The following RTN4 variants were observed in gnomAD, a reference collection of about 807,000 sequenced individuals.
RTN4 encodes reticulon 4.
In RTN4, 32 loss-of-function variants were observed where a neutral mutation model predicts 90.4. That is an observed-to-expected ratio of 0.35 (90% CI 0.27 to 0.48). The LOEUF (loss-of-function observed/expected upper bound fraction) is 0.48. RTN4 is among the 20% of genes least tolerant of loss of function. The probability of loss-of-function intolerance (pLI) is 0.99; values close to 1 mark genes in which losing one functional copy is unlikely to be tolerated. For synonymous variants in RTN4, 629 were observed against 552.5 expected (o/e 1.14, Z -1.94); for missense variants, 1,706 against 1,430.2 (o/e 1.19, Z -3.11).
chr2:55,055,640 G>A (rs1044439172), upstream of RTN4, among the ~76,000 whole-genome samples: 4 of 151,894 alleles, frequency 2.6e-5, no homozygotes, highest in African/African-American at 9.7e-5. Context: ...CGTGGTGGCG[G>A]GCGCCTGTAG....
At chr2:54,977,730 T>C (rs778455563) in intron 5 of RTN4, among the ~76,000 whole-genome samples, 1 of 152,210 alleles carries the variant, frequency 6.6e-6, no homozygotes, top group Non-Finnish European at 1.5e-5. Context: ...CAGTGATTTT[T>C]GCCATACTAT....
chr2:55,045,001 TC>T (rs1194496341), intron 1 of RTN4, among the ~76,000 whole-genome samples: 5 of 152,260 alleles, frequency 3.3e-5, no homozygotes, highest in African/African-American at 1.2e-4. Flanking sequence ...AGCATCCACT[TC>T]CTGGGAACTT....
chr2:55,091,334 C>G (rs573451035), intron 1 of RTN4, among the ~76,000 whole-genome samples: 1 of 152,166 alleles, frequency 6.6e-6, no homozygotes, highest in Non-Finnish European at 1.5e-5. Context: ...CCTTTCTTCC[C>G]ACATACACAT....
the RTN4 span, among the ~76,000 whole-genome samples, chr2:55,119,082 GAAAT>G: frequency 6.6e-6 from 1 of 152,344 alleles, no homozygotes; most frequent in African/African-American, 2.4e-5. Flanking sequence ...GCCTGGAAAA[GAAAT>G]ACAAGGGAAG....
chr2:55,105,545 T>C (rs1161047862), intron 1 of RTN4, among the ~76,000 whole-genome samples: 1 of 152,090 alleles, frequency 6.6e-6, no homozygotes, highest in Non-Finnish European at 1.5e-5. Flanking sequence ...GTTTTTCTAA[T>C]TTATTTTACG....
intron 3 of RTN4, 93 bp downstream of exon 3, chr2:55,024,993 C>G: frequency 2.1e-6 from 3 of 1,421,412 alleles, no homozygotes; most frequent in Non-Finnish European, 1.9e-6. Context: ...ATATGAGACA[C>G]TATAAACATA....
At chr2:55,065,199 C>A (rs903520215) in intron 2 of RTN4, among the ~76,000 whole-genome samples, 1 of 152,212 alleles carries the variant, frequency 6.6e-6, no homozygotes, top group Non-Finnish European at 1.5e-5. Context: ...CAATATCCAG[C>A]TTACATAAAT....
intron 1 of RTN4, among the ~76,000 whole-genome samples, chr2:55,085,577 T>A (rs1361685464): frequency 6.6e-6 from 1 of 152,196 alleles, no homozygotes; most frequent in Non-Finnish European, 1.5e-5. Flanking sequence ...AGCTGACAAT[T>A]TAGATGCTAA....
chr2:54,986,331 A>G (rs1390545684), intron 4 of RTN4, among the ~76,000 whole-genome samples: 1 of 152,232 alleles, frequency 6.6e-6, no homozygotes, highest in African/African-American at 2.4e-5. Context: ...GGGTCAGCAA[A>G]CTTTCTGTAA....
At chr2:55,015,667 G>A (rs1161371025) in intron 3 of RTN4, among the ~76,000 whole-genome samples, 1 of 152,036 alleles carries the variant, frequency 6.6e-6, no homozygotes. Context: ...CTATCAAACT[G>A]GTAAAGGGCT....
chr2:55,005,886 G>A (rs1680184319), intron 3 of RTN4, among the ~76,000 whole-genome samples: 1 of 152,094 alleles, frequency 6.6e-6, no homozygotes, highest in African/African-American at 2.4e-5. Context: ...GTATTTATGT[G>A]TGGAATTTTC....
chr2:55,051,800 G>A (rs1327117483), upstream of RTN4, among the ~76,000 whole-genome samples: 2 of 152,168 alleles, frequency 1.3e-5, no homozygotes, highest in South Asian at 2.1e-4. Context: ...CCTGTTGACT[G>A]AATGTTGAAA....
At chr2:55,040,302 A>C (rs1357859113) in intron 1 of RTN4, among the ~76,000 whole-genome samples, 2 of 152,222 alleles carry the variant, frequency 1.3e-5, no homozygotes, top group Non-Finnish European at 2.9e-5. Flanking sequence ...TGATGAATTG[A>C]GACTGAAGTT....
At chr2:55,006,222 A>C (rs1305751936) in intron 3 of RTN4, among the ~76,000 whole-genome samples, 1 of 152,266 alleles carries the variant, frequency 6.6e-6, no homozygotes, top group East Asian at 1.9e-4. Context: ...TCTATAACAC[A>C]TACCTATGTA....
chr2:55,025,579 A>G lies in RTN4; in HGVS notation c.2520T>C (p.Tyr840=). ...LQMEELSTAV[Y]SNDDLFISKE... ...TAGAAATAAATAAGTCATCATTTGA[A>G]TAAACTGCAGTACTGAGCTCCTCCA... is the stretch of plus-strand genomic sequence containing the variant. Residue 840 remains tyrosine (Y), a synonymous_variant, in exon 3 of 9, where the codon TAT becomes TAC. Coordinates refer to ENST00000337526, the MANE Select transcript of RTN4 (RefSeq NM_020532.5). The G allele has an allele frequency of 6.2e-7, 1 of 1,613,710 alleles. No homozygotes were observed. The highest frequency in any genetic ancestry group is 1.1e-5 in the South Asian group (1 of 91,060).
intron 3 of RTN4, among the ~76,000 whole-genome samples, chr2:55,022,896 AACACACACAC>A (rs150779063): frequency 1.0e-4 from 14 of 137,390 alleles, no homozygotes; most frequent in African/African-American, 2.9e-4. Flanking sequence ...TTCAACATCC[AACACACACAC>A]ACACACACAC....
chr2:55,069,155 C>CT (rs1389563540), intron 2 of RTN4, among the ~76,000 whole-genome samples: 2 of 152,320 alleles, frequency 1.3e-5, no homozygotes, highest in Admixed American at 6.5e-5. Flanking sequence ...GTGAACCACA[C>CT]TTTGAGAATT....
At chr2:55,104,875 T>C (rs1037915788) in intron 1 of RTN4, among the ~76,000 whole-genome samples, 3 of 152,006 alleles carry the variant, frequency 2.0e-5, no homozygotes, top group Admixed American at 6.6e-5. Flanking sequence ...GGTGCGATCT[T>C]GGTTCACTGC....
At chr2:55,124,727 T>C in the RTN4 span, among the ~76,000 whole-genome samples, 2 of 152,102 alleles carry the variant, frequency 1.3e-5, no homozygotes, top group African/African-American at 4.8e-5. Context: ...AAAATTTATA[T>C]GGAACAAAAA....
Sources: allele counts gnomAD v4.1 joint callset (sites outside exome capture counted in the v4.1 genomes callset), GRCh38; gene constraint gnomAD v4.1.1; transcripts MANE v1.5; gene names NCBI Gene and HGNC (gene_info 2026-07-23, HGNC 2026-07-21).